SPATA6: variants seen among roughly 807,000 people sequenced by gnomAD.
The protein encoded by SPATA6 is spermatogenesis associated 6.
SPATA6 carries 56 observed loss-of-function variants against 65.3 expected under a neutral mutation model. The observed-to-expected ratio is 0.86, with a 90% CI of 0.69 to 1.07. The LOEUF (loss-of-function observed/expected upper bound fraction) is 1.07, where lower values mean the gene tolerates loss of function less well. Among genes scored for constraint, SPATA6 ranks in the 50% least tolerant of loss-of-function variants. The probability of loss-of-function intolerance (pLI) is 0.00; values close to 1 mark genes in which losing one functional copy is unlikely to be tolerated. For missense variants in SPATA6, 590 were observed against 594.8 expected (o/e 0.99, Z 0.08); for synonymous variants, 199 against 213.2 (o/e 0.93, Z 0.58).
chr1:48,365,872 A>G (rs1384721596), intron 9 of SPATA6, among the ~76,000 whole-genome samples: 1 of 152,174 alleles, frequency 6.6e-6, no homozygotes, highest in East Asian at 1.9e-4. Flanking sequence ...GTCTTGTGCC[A>G]GTTTTCAAAG....
intron 9 of SPATA6, among the ~76,000 whole-genome samples, chr1:48,368,561 A>T (rs141931275): frequency 0.014 from 2,205 of 152,094 alleles, 52 homozygotes; most frequent in African/African-American, 0.05. Context: ...TCCATCACTG[A>T]TACCCTTTCT....
chr1:48,331,408 A>G (rs1414839054), intron 11 of SPATA6, among the ~76,000 whole-genome samples: 1 of 152,046 alleles, frequency 6.6e-6, no homozygotes, highest in Non-Finnish European at 1.5e-5. Flanking sequence ...AAGAAAAAAA[A>G]AAAACCTACA....
intron 11 of SPATA6, among the ~76,000 whole-genome samples, chr1:48,314,468 A>T (rs910237970): frequency 5.9e-5 from 9 of 152,242 alleles, no homozygotes; most frequent in African/African-American, 2.2e-4. Context: ...ATGAAGGCAG[A>T]AATAAAGATG....
chr1:48,298,916 T>C, intron 12 of SPATA6, 23 bp from the exon 13 acceptor site: 1 of 1,602,418 alleles, frequency 6.2e-7, no homozygotes, highest in South Asian at 1.1e-5. Flanking sequence ...ATATAAAAGG[T>C]TCAAAACAAT....
At chr1:48,365,424 C>T (rs1646969566) in intron 9 of SPATA6, among the ~76,000 whole-genome samples, 1 of 152,102 alleles carries the variant, frequency 6.6e-6, no homozygotes, top group Non-Finnish European at 1.5e-5. Context: ...ATTCTTCCTA[C>T]CCATGAGCAT....
chr1:48,366,911 C>G (rs1033591515), intron 9 of SPATA6, among the ~76,000 whole-genome samples: 1 of 151,996 alleles, frequency 6.6e-6, no homozygotes, highest in African/African-American at 2.4e-5. Context: ...TGCATCTTTC[C>G]TGCTTTGTCT....
At chr1:48,376,902 TAGAA>T (rs1647983211) in intron 9 of SPATA6, among the ~76,000 whole-genome samples, 1 of 152,114 alleles carries the variant, frequency 6.6e-6, no homozygotes, top group South Asian at 2.1e-4. Context: ...GACCTAAACA[TAGAA>T]AAAGTACAAC....
intron 12 of SPATA6, among the ~76,000 whole-genome samples, chr1:48,304,674 C>A (rs148932942): frequency 5.3e-5 from 8 of 152,208 alleles, no homozygotes; most frequent in Middle Eastern, 3.4e-3. Flanking sequence ...CAGATTTCCA[C>A]ATCTTACTTA....
intron 3 of SPATA6, among the ~76,000 whole-genome samples, chr1:48,437,571 A>G (rs1655054958): frequency 6.6e-6 from 1 of 152,166 alleles, no homozygotes; most frequent in African/African-American, 2.4e-5. Context: ...CCCTCAGAGG[A>G]CAGTGCTTCC....
chr1:48,357,233 T>C (rs1179965500), intron 10 of SPATA6, among the ~76,000 whole-genome samples: 1 of 152,130 alleles, frequency 6.6e-6, no homozygotes, highest in Non-Finnish European at 1.5e-5. Context: ...ACTCAAAAGC[T>C]CACACAAATT....
At chr1:48,325,332 C>T (rs1219552635) in intron 11 of SPATA6, 1 of 1,296,394 alleles carries the variant, frequency 7.7e-7, no homozygotes. Flanking sequence ...GCACAGGCCC[C>T]CGTAGAGTCC....
intron 3 of SPATA6, among the ~76,000 whole-genome samples, chr1:48,442,383 G>A (rs1655576542): frequency 6.6e-6 from 1 of 152,116 alleles, no homozygotes; most frequent in Non-Finnish European, 1.5e-5. Context: ...ATACCACAAG[G>A]AAATCATGGA....
At chr1:48,367,748 C>T (rs1363731914) in intron 9 of SPATA6, among the ~76,000 whole-genome samples, 4 of 152,136 alleles carry the variant, frequency 2.6e-5, no homozygotes, top group African/African-American at 7.2e-5. Context: ...GACTCTTTAT[C>T]CAATTTGCCA....
intron 2 of SPATA6, 69 bp downstream of exon 2, chr1:48,452,925 C>T (rs1656702655): frequency 6.5e-7 from 1 of 1,539,918 alleles, no homozygotes; most frequent in Admixed American, 2.0e-5. Context: ...GTGTTATAGG[C>T]TTTTATTCAA....
chr1:48,445,033 T>G (rs2148125803), intron 3 of SPATA6, among the ~76,000 whole-genome samples: 1 of 152,328 alleles, frequency 6.6e-6, no homozygotes, highest in East Asian at 1.9e-4. Context: ...AAGCATATAT[T>G]AGTTTTGTAT....
In SPATA6 at chr1:48,296,757, C is replaced by T. The variant is rs1644819157; in HGVS notation, c.*1956G>A. ...GTAACTCAGCAATTGTGTAGTCCAG[C>T]ATTTCTACAACCTAGGTATCCACAT... On this transcript the variant is annotated 3_prime_UTR_variant, in exon 13 of 13. Transcript: ENST00000371847. 6.6e-6 allele frequency: 1 copy of T among 152,088 alleles called. No homozygotes were observed. The highest frequency in any genetic ancestry group is 1.5e-5 in the Non-Finnish European group (1 of 68,014). The allele number at this position is 152,088 out of a possible 1,614,324, so 9.4% of individuals were successfully genotyped here.
chr1:48,451,928 C>T (rs72897214), intron 2 of SPATA6, among the ~76,000 whole-genome samples: 1,863 of 152,260 alleles, frequency 0.012, 41 homozygotes, highest in African/African-American at 0.042. Context: ...ATGCTCTTCT[C>T]CTAGACCTTC....
chr1:48,340,389 G>T (rs1025671084), intron 11 of SPATA6, among the ~76,000 whole-genome samples: 3 of 150,830 alleles, frequency 2.0e-5, no homozygotes, highest in Non-Finnish European at 3.0e-5. Flanking sequence ...TACAATAGTA[G>T]CAATATACTG....
rs370097941 is a variant in SPATA6, at chr1:48,359,647, G to T, written c.1033C>A (p.Pro345Thr). The T allele has an allele frequency of 7.4e-6, 12 of 1,613,646 alleles. No homozygotes were observed. The African/African-American group carries it at 1.5e-4, about 20-fold the overall frequency. ...GGAGAATGCTTTGGCATTGTTGAGG[G>T]TGCTGAATGGACTAGCAAGGTCCTC... ...SARTLLVHSA[P>T]STMPKHSPSP... Residue 345 changes from proline to threonine, a missense_variant, in exon 10 of 13, where the codon CCC becomes ACC. Pro to Thr is a conservative substitution (Grantham distance 38). Transcript: ENST00000371847.
Sources: gnomAD v4.1 joint callset for allele counts (sites outside exome capture counted in the v4.1 genomes callset) on GRCh38, gnomAD v4.1.1 for gene constraint, MANE v1.5 for transcripts, NCBI Gene and HGNC (gene_info 2026-07-23, HGNC 2026-07-21) for gene names.